The following CFAP44 variants were observed in gnomAD, a reference collection of about 807,000 sequenced individuals.
CFAP44 encodes cilia- and flagella-associated protein 44.
In CFAP44, 134 loss-of-function variants were observed where a neutral mutation model predicts 216.2. The ratio of observed to expected loss-of-function variants is 0.62; its 90% CI spans 0.54 to 0.72. The LOEUF (loss-of-function observed/expected upper bound fraction) is 0.72. CFAP44 is among the 30% of genes least tolerant of loss of function. The pLI, the probability that CFAP44 is intolerant of heterozygous loss-of-function variation, is 0.00. For missense variants in CFAP44, 2,035 were observed against 2,182.1 expected (o/e 0.93, Z 1.34); for synonymous variants, 700 against 727.6 (o/e 0.96, Z 0.61).
chr3:113,383,605 G>A (rs139177621), intron 15 of CFAP44, among the ~76,000 whole-genome samples: 32 of 152,186 alleles, frequency 2.1e-4, no homozygotes, highest in Non-Finnish European at 4.3e-4. Flanking sequence ...GAAGAAAAGA[G>A]TGAACTATTA....
chr3:113,325,423 T>G (rs1950180940), intron 28 of CFAP44, among the ~76,000 whole-genome samples: 1 of 151,746 alleles, frequency 6.6e-6, no homozygotes, highest in Non-Finnish European at 1.5e-5. Flanking sequence ...TCTAAATAAA[T>G]AGAGATATAT....
intron 17 of CFAP44, among the ~76,000 whole-genome samples, chr3:113,374,461 C>G (rs966266981): frequency 2.0e-5 from 3 of 151,822 alleles, no homozygotes; most frequent in Admixed American, 2.0e-4. Context: ...ATATATGTGG[C>G]AGCTGAGAGG....
chr3:113,359,937 G>A lies in CFAP44; in HGVS notation c.2935-1062C>T, dbSNP rs1202166073. ...AAATTTTGTAGATCAACCGGGTACTGTCTTTTCAACAGATCTGATAAATTA... is the reference window on the plus strand; with the variant it reads ...AAATTTTGTAGATCAACCGGGTACTATCTTTTCAACAGATCTGATAAATTA... On this transcript the variant is annotated intron_variant, in intron 21 of 34. Transcript: ENST00000393845. Among the ~76,000 whole-genome samples the A allele has an allele frequency of 3.3e-5, 5 of 152,256 alleles. No homozygotes were observed. The East Asian group carries it at 9.6e-4, about 29-fold the overall frequency.
At chr3:113,310,163 AC>A (rs1224840182) in intron 28 of CFAP44, among the ~76,000 whole-genome samples, 1 of 152,028 alleles carries the variant, frequency 6.6e-6, no homozygotes, top group Non-Finnish European at 1.5e-5. Flanking sequence ...AACCAGCCTC[AC>A]CCCCACCCTC....
chr3:113,296,876 T>G lies in CFAP44; in HGVS notation c.5087A>C (p.Glu1696Ala). Residue 1696 changes from glutamate to alanine, a missense_variant, in exon 33 of 35, where the codon GAA becomes GCA. Physicochemically the swap from Glu to Ala is moderately radical, Grantham distance 107 (BLOSUM62 -1). Around this residue, in one of 3 missense-constraint regions of CFAP44, gnomAD observed 1,883 missense variants for 2,023.7 expected, o/e 0.93. Coordinates refer to ENST00000393845, the MANE Select transcript of CFAP44 (RefSeq NM_001164496.2). The part of the protein sequence containing the change: ...EMTKTIHKME[E>A]TVRQLMISKF... ...GCTGATCATGAGCTGCCGGACTGTTTCCTCCATTTCTAAAAGAAGACAGTC... is the reference window on the plus strand; with the variant it reads ...GCTGATCATGAGCTGCCGGACTGTTGCCTCCATTTCTAAAAGAAGACAGTC... The G allele has an allele frequency of 6.5e-7, 1 of 1,537,238 alleles. No homozygotes were observed. The highest frequency in any genetic ancestry group is 8.7e-7 in the Non-Finnish European group (1 of 1,146,912).
chr3:113,304,409 C>T lies in CFAP44; in HGVS notation c.4876-292G>A, dbSNP rs1036830776. 8.2e-5 allele frequency: 28 copies of T among 340,902 alleles called. No individual in the cohort carries two copies. In the Middle Eastern group the frequency reaches 2.4e-3, roughly 29 times the overall value. The allele number at this position is 340,902 out of a possible 1,614,324, so 21.1% of individuals were successfully genotyped here. On this transcript the variant is annotated intron_variant, in intron 31 of 34. Coordinates refer to ENST00000393845, the MANE Select transcript of CFAP44 (RefSeq NM_001164496.2). ...TTCAGGGCTGGCATACTAGGCAAACCGCTCCATTTAGCTCATCCAGTTTGG... is the reference window on the plus strand; with the variant it reads ...TTCAGGGCTGGCATACTAGGCAAACTGCTCCATTTAGCTCATCCAGTTTGG...
intron 22 of CFAP44, among the ~76,000 whole-genome samples, chr3:113,346,368 A>G (rs1181775399): frequency 6.6e-6 from 1 of 151,958 alleles, no homozygotes; most frequent in Non-Finnish European, 1.5e-5. Flanking sequence ...AAAACGCACC[A>G]ATCAGCGCTC....
At position 113,406,220 on chromosome 3, in the gene CFAP44, CTCTT is replaced by C. The variant is rs779733415; in HGVS notation, c.1005+703_1005+706del. 2.1e-4 allele frequency among the ~76,000 whole-genome samples: 32 copies of C among 152,114 alleles called. 1 individual carries two copies. The highest frequency in any genetic ancestry group is 2.6e-4 in the Non-Finnish European group (18 of 68,026). On this transcript the variant is annotated intron_variant, in intron 8 of 34. Coordinates refer to ENST00000393845, the MANE Select transcript of CFAP44 (RefSeq NM_001164496.2). ...GCAGATGCCTCTATAAAGTGGTTTGCTCTTTCTGAGTAATAATCTGACAATAAAA... is the reference window on the plus strand; with the variant it reads ...GCAGATGCCTCTATAAAGTGGTTTGCTCTGAGTAATAATCTGACAATAAAA...
chr3:113,370,378 C>T (rs1933109933), intron 18 of CFAP44, among the ~76,000 whole-genome samples: 2 of 152,160 alleles, frequency 1.3e-5, no homozygotes, highest in Admixed American at 1.3e-4. Flanking sequence ...AAAGCTTATC[C>T]ACCACAATCC....
chr3:113,393,936 T>C (rs1383203111), intron 15 of CFAP44, among the ~76,000 whole-genome samples: 2 of 152,320 alleles, frequency 1.3e-5, no homozygotes, highest in South Asian at 4.1e-4. Context: ...GCTGGCACCA[T>C]GCTTCTCGTA....
At chr3:113,340,220 G>C (rs1018613240) in intron 24 of CFAP44, among the ~76,000 whole-genome samples, 1 of 152,198 alleles carries the variant, frequency 6.6e-6, no homozygotes, top group African/African-American at 2.4e-5. Context: ...GGCATCTCTA[G>C]GAACAGTTGG....
At chr3:113,320,726 A>G (rs1290383530) in intron 28 of CFAP44, among the ~76,000 whole-genome samples, 1 of 152,090 alleles carries the variant, frequency 6.6e-6, no homozygotes, top group Non-Finnish European at 1.5e-5. Flanking sequence ...TTGGAGTTCA[A>G]TGTTCGAGGG....
At position 113,363,471 on chromosome 3, in the gene CFAP44, C is replaced by A; in HGVS notation, c.2771+6G>T. On this transcript the variant is annotated splice_donor_region_variant and intron_variant, in intron 20 of 34. Transcript: ENST00000393845. ...CCTAGTCAGTATTTATCAAAAATTC[C>A]CATACCTGTAGGCTTTGGGATCTTC... 1 of 1,608,368 alleles carries A rather than the reference C, an allele frequency of 6.2e-7. No individual in the cohort carries two copies. Among genetic ancestry groups the A allele is most frequent in the South Asian group, 1.1e-5 (1 of 88,922 alleles).
chr3:113,430,428 T>TGAAAAAAAAAAAAAAAAAAAAAAAAAAAA (rs1935075175), intron 2 of CFAP44, among the ~76,000 whole-genome samples: 1 of 40,216 alleles, frequency 2.5e-5, no homozygotes, highest in African/African-American at 1.1e-4. Flanking sequence ...GAAAAATAAA[T>TGAAAAAAAAAAAAAAAAAAAAAAAAAAAA]GAAAAAAAAA....
chr3:113,407,132 G>A, intron 7 of CFAP44, 91 bp from the exon 8 acceptor site: 2 of 935,530 alleles, frequency 2.1e-6, no homozygotes, highest in Admixed American at 2.0e-5. Context: ...TTTCATAGTT[G>A]CATATATTAT....
intron 34 of CFAP44, among the ~76,000 whole-genome samples, chr3:113,293,436 T>C (rs1949850046): frequency 7.0e-6 from 1 of 142,676 alleles, no homozygotes; most frequent in African/African-American, 3.0e-5. Flanking sequence ...AAGTACTGTT[T>C]TGGGGATTAA....
intron 22 of CFAP44, among the ~76,000 whole-genome samples, chr3:113,354,839 G>A (rs1044213645): frequency 7.2e-5 from 11 of 152,140 alleles, no homozygotes; most frequent in Non-Finnish European, 1.6e-4. Context: ...CAGCTGATGG[G>A]CTCTTGAAAG....
At chr3:113,294,894 T>G (rs1949866320) in intron 33 of CFAP44, 73 bp from the exon 34 acceptor site, 1 of 1,440,170 alleles carries the variant, frequency 6.9e-7, no homozygotes, top group Non-Finnish European at 9.1e-7. Flanking sequence ...GTGTCCAGAT[T>G]TGGTCAAAAT....
intron 24 of CFAP44, among the ~76,000 whole-genome samples, chr3:113,338,030 G>A (rs1267133364): frequency 6.6e-6 from 1 of 151,832 alleles, no homozygotes; most frequent in Admixed American, 6.6e-5. Context: ...TGGGAGGCCA[G>A]GGCAGGTAGA....
Sources: allele counts gnomAD v4.1 joint callset (sites outside exome capture counted in the v4.1 genomes callset), GRCh38; gene constraint gnomAD v4.1.1; regional missense constraint gnomAD v4.1.1; transcripts MANE v1.5; gene names NCBI Gene and HGNC (gene_info 2026-07-23, HGNC 2026-07-21).